Variants in TRIM37 observed in about 807,000 individuals in gnomAD.
TRIM37 encodes the protein tripartite motif containing 37.
In TRIM37, 80 loss-of-function variants were observed where a neutral mutation model predicts 129.8. The ratio of observed to expected loss-of-function variants is 0.62; its 90% CI spans 0.51 to 0.74. The LOEUF (loss-of-function observed/expected upper bound fraction) is 0.74, where lower values mean the gene tolerates loss of function less well. TRIM37 is among the 30% of genes least tolerant of loss of function. The probability of loss-of-function intolerance (pLI) is 0.00; values close to 1 mark genes in which losing one functional copy is unlikely to be tolerated. For missense variants in TRIM37, 1,054 were observed against 1,176.5 expected, an observed-to-expected ratio of 0.90 and a Z score of 1.52; for synonymous variants, 389 against 387.1, an observed-to-expected ratio of 1.00 and a Z score of -0.06.
At chr17:59,068,592 T>C (rs2042110037) in intron 9 of TRIM37, among the ~76,000 whole-genome samples, 1 of 152,348 alleles carries the variant, frequency 6.6e-6, no homozygotes, top group South Asian at 2.1e-4. Context: ...CAAATCTACT[T>C]AATGACAGCA....
At chr17:59,038,481 G>A (rs924940485) in intron 17 of TRIM37, among the ~76,000 whole-genome samples, 3 of 152,038 alleles carry the variant, frequency 2.0e-5, no homozygotes, top group Non-Finnish European at 1.5e-5. Flanking sequence ...GATTATTACA[G>A]AATATTCAGA....
At chr17:59,029,138 A>C (rs942646481) in intron 18 of TRIM37, among the ~76,000 whole-genome samples, 1 of 152,192 alleles carries the variant, frequency 6.6e-6, no homozygotes, top group Non-Finnish European at 1.5e-5. Context: ...TTAAAAATAC[A>C]TATTTCTGGC....
At chr17:59,093,721 T>C (rs1480795053) in intron 2 of TRIM37, among the ~76,000 whole-genome samples, 2 of 152,110 alleles carry the variant, frequency 1.3e-5, no homozygotes, top group African/African-American at 4.8e-5. Context: ...TGCTGCACTA[T>C]ATAACACTGT....
intron 16 of TRIM37, 100 bp downstream of exon 16, chr17:59,047,582 CA>C (rs952406807): frequency 1.8e-5 from 22 of 1,223,734 alleles, no homozygotes; most frequent in Non-Finnish European, 2.5e-5. Context: ...TTCAATCTTT[CA>C]AAAAAGTGCT....
In TRIM37 at chr17:59,053,351, G is replaced by A. The variant is rs183599376; in HGVS notation, c.1200-2023C>T. 5.3e-5 allele frequency among the ~76,000 whole-genome samples: 8 copies of A among 152,280 alleles called. No homozygotes were observed. In the East Asian group the frequency reaches 1.5e-3, roughly 29 times the overall value. ...ATAAAAGGTTTAAAGTTTGAGCAAT[G>A]TCTCATTAATAGGATAATGTGAAGC... On this transcript the variant is annotated intron_variant, in intron 13 of 23. Transcript: ENST00000262294.
Position 59,015,762 on chromosome 17 carries a change from A to G in TRIM37, c.2424T>C (p.Ser808=). ...TGCCATGTATCAAGGCTCGGGGAGA[A>G]CTGTGCCTGCTCCCAGACTGAGAGC... ...PGSSQSGSRH[S]SPRALIHGSI... The change falls in exon 21 of 24, where the codon AGT becomes AGC. Residue 808 remains serine, a synonymous_variant. Transcript: ENST00000262294. 1 of 1,613,790 alleles carries G rather than the reference A, an allele frequency of 6.2e-7. No individual in the cohort carries two copies. The highest frequency in any genetic ancestry group is 1.1e-5 in the South Asian group (1 of 91,056).
At position 58,998,653 on chromosome 17, in the gene TRIM37, G is replaced by GA. The variant is rs1230257377; in HGVS notation, c.*723dup. On this transcript the variant is annotated 3_prime_UTR_variant, in exon 24 of 24. Coordinates refer to ENST00000262294, the MANE Select transcript of TRIM37 (RefSeq NM_015294.6). ...CACTACAGTCGTATAGTAAGAGGCA[G>GA]AAAAAAATGAAAGAATTTTAAATAA... 7.1e-6 allele frequency: 7 copies of GA among 985,162 alleles called. No homozygotes were observed. Among genetic ancestry groups the GA allele is most frequent in the Middle Eastern group, 5.2e-4 (1 of 1,936 alleles). The allele number at this position is 985,162 out of a possible 1,614,324, so 61.0% of individuals were successfully genotyped here.
intron 2 of TRIM37, among the ~76,000 whole-genome samples, chr17:59,096,371 G>A (rs983856873): frequency 6.6e-6 from 1 of 151,750 alleles, no homozygotes; most frequent in African/African-American, 2.4e-5. Context: ...GGCCAACATG[G>A]TGAAACCCCG....
downstream of TRIM37, among the ~76,000 whole-genome samples, chr17:58,996,012 T>A (rs537735574): frequency 7.6e-3 from 1,138 of 150,016 alleles, 10 homozygotes; most frequent in African/African-American, 0.024. Flanking sequence ...CAAAAAAAAA[T>A]AATAATAATA....
downstream of TRIM37, chr17:58,980,335 G>A (rs1467247864): frequency 6.2e-7 from 1 of 1,614,118 alleles, no homozygotes; most frequent in African/African-American, 1.3e-5. The surrounding 1 kb of genome is among the most constrained non-coding windows in gnomAD (Gnocchi z 4.7). Flanking sequence ...ATCATGGAGA[G>A]TGCAAACGCC....
chr17:59,023,136 C>T (rs533936048), intron 19 of TRIM37, among the ~76,000 whole-genome samples: 29 of 152,098 alleles, frequency 1.9e-4, no homozygotes, highest in African/African-American at 4.3e-4. Flanking sequence ...AGTGTGGTGG[C>T]GCAATCTTGG....
At chr17:58,998,097 A>C (rs1282049580), downstream of TRIM37, 2 of 568,540 alleles carry the variant, frequency 3.5e-6, no homozygotes, top group Non-Finnish European at 4.5e-6. Context: ...CCATTAGACT[A>C]AACACAAACT....
intron 2 of TRIM37, among the ~76,000 whole-genome samples, chr17:59,096,418 G>C (rs2044873642): frequency 6.6e-6 from 1 of 151,844 alleles, no homozygotes; most frequent in South Asian, 2.1e-4. Flanking sequence ...CAGGCATGGT[G>C]GTGGGTGCCT....
At chr17:59,036,495 T>A (rs1386610462) in intron 17 of TRIM37, among the ~76,000 whole-genome samples, 1 of 148,998 alleles carries the variant, frequency 6.7e-6, no homozygotes, top group Non-Finnish European at 1.5e-5. Flanking sequence ...CACGCGTGTG[T>A]TTTAAGAGAC....
At chr17:59,028,763 A>G (rs1158133664) in intron 18 of TRIM37, 40 bp from the exon 19 acceptor site, 2 of 1,603,336 alleles carry the variant, frequency 1.2e-6, no homozygotes, top group Non-Finnish European at 1.7e-6. Flanking sequence ...ATAAACGTTA[A>G]TATTAATGAA....
chr17:58,989,946 T>A (rs1038493956), intron 24 of TRIM37, among the ~76,000 whole-genome samples: 1 of 151,408 alleles, frequency 6.6e-6, no homozygotes, highest in Non-Finnish European at 1.5e-5. Flanking sequence ...AGCACTTTGG[T>A]TGGCTGAGGT....
chr17:59,092,120 C>T (rs116375799), intron 2 of TRIM37, among the ~76,000 whole-genome samples: 4,389 of 152,038 alleles, frequency 0.029, 173 homozygotes, highest in African/African-American at 0.09. Flanking sequence ...GGGCTGGGCA[C>T]GGTGTCTCAC....
At position 59,056,918 on chromosome 17, in the gene TRIM37, T is replaced by G; in HGVS notation, c.1156A>C (p.Asn386His). 6.2e-7 allele frequency: 1 copy of G among 1,613,816 alleles called. No homozygotes were observed. Among genetic ancestry groups the G allele is most frequent in the Admixed American group, 1.7e-5 (1 of 60,008 alleles). ...NRFFRLDLLA[N>H]EGYLNPQNDT... ...TTTTGTGGATTCAAGTATCCTTCAT[T>G]TGCGAGTAAGTCCAAACGGAAAAAT... Residue 386 changes from asparagine to histidine, a missense_variant, in exon 13 of 24, where the codon AAT (asparagine) becomes CAT (histidine). Physicochemically the swap from Asn to His is moderately conservative, Grantham distance 68 (BLOSUM62 1). Around this residue, in one of 3 missense-constraint regions of TRIM37, gnomAD observed 752 missense variants for 870.8 expected, o/e 0.86. Transcript: ENST00000262294.
chr17:58,979,429 G>A (rs964573822), downstream of TRIM37, among the ~76,000 whole-genome samples: 2 of 152,162 alleles, frequency 1.3e-5, no homozygotes, highest in East Asian at 3.8e-4. Context: ...ATAAAATCTC[G>A]TGTAACTCAA....
Sources: allele counts gnomAD v4.1 joint callset (sites outside exome capture counted in the v4.1 genomes callset), GRCh38; gene constraint gnomAD v4.1.1; regional missense constraint gnomAD v4.1.1; non-coding constraint Gnocchi (gnomAD v3.1); transcripts MANE v1.5; gene names NCBI Gene and HGNC (gene_info 2026-07-23, HGNC 2026-07-21).